Variants in EXTL3 observed in about 807,000 individuals in gnomAD.
EXTL3 encodes the protein exostosin-like 3.
A neutral mutation model predicts 69.3 loss-of-function variants in EXTL3; 27 were observed. The ratio of observed to expected loss-of-function variants is 0.39; its 90% CI spans 0.29 to 0.54. The LOEUF (loss-of-function observed/expected upper bound fraction) is 0.54. Ranked by LOEUF, EXTL3 falls within the 20% of genes least tolerant of loss-of-function variation. The pLI is 0.69. For synonymous variants in EXTL3, 511 were observed against 499.4 expected (o/e 1.02, Z -0.31); for missense variants, 1,003 against 1,231.8 (o/e 0.81, Z 2.78).
At chr8:28,711,015 T>C (rs1801021455) in intron 1 of EXTL3, among the ~76,000 whole-genome samples, 1 of 152,206 alleles carries the variant, frequency 6.6e-6, no homozygotes, top group South Asian at 2.1e-4. Context: ...GGAGATTTCT[T>C]TTTTGGGATT....
chr8:28,710,122 C>T (rs914825517), intron 1 of EXTL3, among the ~76,000 whole-genome samples: 6 of 152,080 alleles, frequency 3.9e-5, no homozygotes, highest in African/African-American at 1.4e-4. Context: ...TTTTTTTCCC[C>T]TGGGAGAAGA....
intron 6 of EXTL3, among the ~76,000 whole-genome samples, chr8:28,745,209 A>G (rs944556332): frequency 6.6e-6 from 1 of 152,340 alleles, no homozygotes; most frequent in South Asian, 2.1e-4. Context: ...AAGAAGTCGT[A>G]GCTTGAGTGC....
chr8:28,721,302 G>T (rs1801287612), intron 3 of EXTL3, among the ~76,000 whole-genome samples: 1 of 152,168 alleles, frequency 6.6e-6, no homozygotes, highest in African/African-American at 2.4e-5. Context: ...GCTTAGGGGT[G>T]GGCCAGAGAC....
chr8:28,640,028 AGGCAGAGGTT>A (rs1270099994), intron 1 of EXTL3, among the ~76,000 whole-genome samples: 1 of 152,206 alleles, frequency 6.6e-6, no homozygotes, highest in African/African-American at 2.4e-5. Flanking sequence ...TGAACCTGGG[AGGCAGAGGTT>A]GCAGTGAGCT....
chr8:28,690,921 C>A (rs1800604754), intron 1 of EXTL3, among the ~76,000 whole-genome samples: 1 of 152,050 alleles, frequency 6.6e-6, no homozygotes, highest in Non-Finnish European at 1.5e-5. Context: ...GGGCAGGGAT[C>A]ATTGGGGGCC....
At chr8:28,715,236 C>T (rs1801116244) in intron 2 of EXTL3, among the ~76,000 whole-genome samples, 1 of 152,080 alleles carries the variant, frequency 6.6e-6, no homozygotes, top group African/African-American at 2.4e-5. Context: ...AAGATGATGC[C>T]CAGGTGTGGA....
At chr8:28,655,207 A>T (rs1806986045) in intron 1 of EXTL3, among the ~76,000 whole-genome samples, 1 of 152,192 alleles carries the variant, frequency 6.6e-6, no homozygotes, top group Non-Finnish European at 1.5e-5. Context: ...GCACTTTGGG[A>T]GGCCAAGGTG....
At position 28,750,537 on chromosome 8, in the gene EXTL3, G is replaced by T. The variant is rs980095440; in HGVS notation, c.2551-120G>T. On this transcript the variant is annotated intron_variant, in intron 6 of 6. Coordinates refer to ENST00000220562, the MANE Select transcript of EXTL3 (RefSeq NM_001440.4). This position sits in a 1 kb window ranked among gnomAD's most constrained non-coding sequence, Gnocchi z 5.2. ...GGTTCCTGCCATGCTCTGCAGGGAT[G>T]TTGCCCCTGAGGGGATCAGCGTCTT... is the stretch of plus-strand genomic sequence containing the variant. The T allele has an allele frequency of 3.7e-6, 3 of 819,806 alleles. No individual in the cohort carries two copies. The highest frequency in any genetic ancestry group is 3.4e-5 in the African/African-American group (2 of 59,620). 50.8% of individuals were successfully genotyped at this position (819,806 alleles called of 1,614,324 possible).
intron 1 of EXTL3, among the ~76,000 whole-genome samples, chr8:28,689,834 T>A (rs1800583236): frequency 6.6e-6 from 1 of 152,236 alleles, no homozygotes; most frequent in South Asian, 2.1e-4. Context: ...CTTGCAGGAT[T>A]GAGTCCCTTG....
intron 2 of EXTL3, 38 bp downstream of exon 2, chr8:28,713,588 C>G (rs1015261200): frequency 4.3e-6 from 3 of 694,022 alleles, no homozygotes; most frequent in South Asian, 3.1e-5. Flanking sequence ...GCTGTGATTA[C>G]GCCTTCTTTT....
intron 1 of EXTL3, among the ~76,000 whole-genome samples, chr8:28,629,876 G>C (rs28733510): frequency 0.021 from 3,269 of 152,188 alleles, 105 homozygotes; most frequent in African/African-American, 0.075. Flanking sequence ...TAAAAGGAGA[G>C]CTATTCAGAG....
intron 5 of EXTL3, chr8:28,742,151 A>C (rs1335674067): frequency 6.6e-6 from 1 of 152,226 alleles, no homozygotes; most frequent in Non-Finnish European, 1.5e-5. Flanking sequence ...TCAACAGTAG[A>C]TATAGGTAAC....
intron 3 of EXTL3, among the ~76,000 whole-genome samples, chr8:28,719,701 A>G (rs892132257): frequency 1.3e-5 from 2 of 152,140 alleles, no homozygotes; most frequent in African/African-American, 4.8e-5. Context: ...TCTTTCTGTT[A>G]CAACTTTATG....
intron 6 of EXTL3, among the ~76,000 whole-genome samples, chr8:28,743,731 G>T (rs540748902): frequency 6.6e-6 from 1 of 152,060 alleles, no homozygotes; most frequent in South Asian, 2.1e-4. Context: ...ACTGTAACTC[G>T]TTTCCTTTGT....
chr8:28,624,304 C>G (rs1806459370), intron 1 of EXTL3, among the ~76,000 whole-genome samples: 1 of 152,154 alleles, frequency 6.6e-6, no homozygotes, highest in South Asian at 2.1e-4. Context: ...TGGCTCACAC[C>G]TGTAATCCTA....
chr8:28,623,537 A>T lies in EXTL3; in HGVS notation c.-53+727A>T, dbSNP rs184200528. On this transcript the variant is annotated intron_variant, in intron 1 of 6. Transcript: ENST00000523149. The surrounding 1 kb of genome is among the most constrained non-coding windows in gnomAD (Gnocchi z 4.2). ...TCACCCTGCAGGGCTCCATCCGTTC[A>T]GTCTCACCCCTTGGTAAGCATGTCC... is the stretch of plus-strand genomic sequence containing the variant. Among the ~76,000 whole-genome samples, 1 of 152,208 alleles carries T rather than the reference A, an allele frequency of 6.6e-6. No homozygotes were observed. The highest frequency in any genetic ancestry group is 1.5e-5 in the Non-Finnish European group (1 of 68,028).
chr8:28,660,078 T>C (rs765606706), intron 1 of EXTL3, among the ~76,000 whole-genome samples: 3 of 152,170 alleles, frequency 2.0e-5, no homozygotes, highest in Non-Finnish European at 4.4e-5. Context: ...AAAAATAAAG[T>C]TGGGCCGGGT....
At chr8:28,699,344 G>A (rs950557272), upstream of EXTL3, 1 of 152,546 alleles carries the variant, frequency 6.6e-6, no homozygotes, top group Non-Finnish European at 1.5e-5. Context: ...AAAAAAGAAA[G>A]TAGCCCCAGT....
Position 28,661,071 on chromosome 8 carries a change from G to A in EXTL3, c.-53+38261G>A, listed in dbSNP as rs569487728. Reference sequence around the variant, plus strand: ...TGGGACTACAGGTGCCTGCCACCACGCCAGGCTAATTTTTTGTATTTTTAG... The same window carrying A: ...TGGGACTACAGGTGCCTGCCACCACACCAGGCTAATTTTTTGTATTTTTAG... On this transcript the variant is annotated intron_variant, in intron 1 of 6. Coordinates refer to the EXTL3 transcript ENST00000523149. Among the ~76,000 whole-genome samples the A allele has an allele frequency of 5.3e-5, 8 of 151,332 alleles. No individual in the cohort carries two copies. The East Asian group carries it at 7.8e-4, about 15-fold the overall frequency.
Sources: allele counts gnomAD v4.1 joint callset (sites outside exome capture counted in the v4.1 genomes callset), GRCh38; gene constraint gnomAD v4.1.1; non-coding constraint Gnocchi (gnomAD v3.1); transcripts MANE v1.5; gene names NCBI Gene and HGNC (gene_info 2026-07-23, HGNC 2026-07-21).